Variants in DGKG observed in about 807,000 individuals in gnomAD.
The protein encoded by DGKG is DAG kinase gamma.
DGKG carries 78 observed loss-of-function variants against 105.3 expected under a neutral mutation model. The observed-to-expected ratio is 0.74, with a 90% confidence interval of 0.62 to 0.89. The LOEUF (loss-of-function observed/expected upper bound fraction) is 0.89. Ranked by LOEUF, DGKG falls within the 40% of genes least tolerant of loss-of-function variation. The probability of loss-of-function intolerance (pLI) is 0.00; values close to 1 mark genes in which losing one functional copy is unlikely to be tolerated. For missense variants in DGKG, 958 were observed against 1,020.1 expected, an observed-to-expected ratio of 0.94 and a Z score of 0.83; for synonymous variants, 346 against 367.1, an observed-to-expected ratio of 0.94 and a Z score of 0.66.
At position 186,164,990 on chromosome 3, in the gene DGKG, C is replaced by G. The variant is rs6770236; in HGVS notation, c.2124G>C (p.Val708=). 4,617 of 1,613,500 alleles carry G rather than the reference C, an allele frequency of 2.9e-3. 107 individuals are homozygous for G. The African/African-American group carries it at 0.052, about 18-fold the overall frequency. The part of the protein sequence containing the change: ...QDLSDQLLEV[V]GLEGAMEMGQ... ...CCATCTCCATGGCTCCTTCTAGCCC[C>G]ACCACTTCAAGGAGCTGGTCACTGA... The change falls in exon 23 of 25, where the codon GTG becomes GTC. Residue 708 remains valine, a synonymous_variant. Coordinates refer to ENST00000265022, the MANE Select transcript of DGKG (RefSeq NM_001346.3).
chr3:186,199,625 G>A (rs557608761), intron 21 of DGKG, among the ~76,000 whole-genome samples: 4 of 152,006 alleles, frequency 2.6e-5, no homozygotes, highest in African/African-American at 4.8e-5. Context: ...AGATTCTCCC[G>A]CCTCAGCCTC....
intron 22 of DGKG, among the ~76,000 whole-genome samples, chr3:186,166,740 T>G (rs1578612203): frequency 6.7e-6 from 1 of 148,264 alleles, no homozygotes; most frequent in Non-Finnish European, 1.5e-5. Flanking sequence ...GGTGAGGGGG[T>G]TTGAGGGTTG....
At chr3:186,221,222 C>T (rs1297270450) in intron 20 of DGKG, among the ~76,000 whole-genome samples, 1 of 152,214 alleles carries the variant, frequency 6.6e-6, no homozygotes, top group Non-Finnish European at 1.5e-5. Context: ...TGCTGAGGGG[C>T]AGGCAAGGCC....
intron 1 of DGKG, among the ~76,000 whole-genome samples, chr3:186,351,858 A>G (rs1470093969): frequency 6.6e-6 from 1 of 152,256 alleles, no homozygotes; most frequent in African/African-American, 2.4e-5. Flanking sequence ...ACTGTAATGC[A>G]CATGTAGGAG....
intron 9 of DGKG, among the ~76,000 whole-genome samples, chr3:186,278,911 GCTC>G (rs1722707459): frequency 6.6e-6 from 1 of 152,150 alleles, no homozygotes; most frequent in Non-Finnish European, 1.5e-5. Context: ...CACCATTTGT[GCTC>G]CTACTAGTTT....
chr3:186,164,551 C>A (rs1007566336), intron 23 of DGKG, among the ~76,000 whole-genome samples: 1 of 152,150 alleles, frequency 6.6e-6, no homozygotes, highest in African/African-American at 2.4e-5. Flanking sequence ...CCTCTGGCAT[C>A]CCTCTGCCAT....
At chr3:186,161,158 C>T (rs913725870) in intron 24 of DGKG, 24 of 991,336 alleles carry the variant, frequency 2.4e-5, no homozygotes, top group Non-Finnish European at 2.5e-5. Context: ...CAGTCAAAGG[C>T]GCTACCCTAC....
intron 7 of DGKG, among the ~76,000 whole-genome samples, chr3:186,282,117 C>A (rs960219265): frequency 1.3e-5 from 2 of 152,138 alleles, no homozygotes; most frequent in African/African-American, 4.8e-5. Flanking sequence ...TCCATTTGTC[C>A]TGGCCAGGTA....
At chr3:186,158,995 T>C (rs1716163509) in intron 24 of DGKG, 1 of 263,598 alleles carries the variant, frequency 3.8e-6, no homozygotes, top group Non-Finnish European at 5.9e-6. Context: ...ATAAGATATA[T>C]ATTATATATA....
At chr3:186,305,950 C>T (rs1482213729) in intron 3 of DGKG, among the ~76,000 whole-genome samples, 1 of 152,010 alleles carries the variant, frequency 6.6e-6, no homozygotes, top group Non-Finnish European at 1.5e-5. Flanking sequence ...GTTTGAGATG[C>T]CCATTTGATT....
At chr3:186,160,256 T>C in intron 24 of DGKG, 3 of 985,362 alleles carry the variant, frequency 3.0e-6, no homozygotes, top group Non-Finnish European at 3.6e-6. Flanking sequence ...CAAAATCCAG[T>C]GCTTGAATTT....
At chr3:186,167,018 C>T (rs774154460) in intron 22 of DGKG, among the ~76,000 whole-genome samples, 2 of 152,118 alleles carry the variant, frequency 1.3e-5, no homozygotes, top group African/African-American at 4.8e-5. Context: ...GCTTTAACTC[C>T]GAAGTTGTTA....
intron 20 of DGKG, among the ~76,000 whole-genome samples, chr3:186,237,973 C>T (rs1720495220): frequency 3.3e-5 from 5 of 152,012 alleles, no homozygotes; most frequent in Admixed American, 1.3e-4. Context: ...AGTCAGGTTC[C>T]CCTTTAACAC....
chr3:186,265,371 A>T (rs1313622058), intron 13 of DGKG, 65 bp from the exon 14 acceptor site: 1 of 1,477,386 alleles, frequency 6.8e-7, no homozygotes, highest in Non-Finnish European at 9.4e-7. Flanking sequence ...GAAAGAGATC[A>T]GATGAAAAAC....
At chr3:186,232,168 A>T (rs888250836) in intron 20 of DGKG, among the ~76,000 whole-genome samples, 2 of 152,214 alleles carry the variant, frequency 1.3e-5, no homozygotes, top group Non-Finnish European at 2.9e-5. Context: ...TCTTTAAAAC[A>T]CTCAATGACT....
At chr3:186,183,170 C>T (rs531780755) in intron 22 of DGKG, among the ~76,000 whole-genome samples, 6 of 152,292 alleles carry the variant, frequency 3.9e-5, no homozygotes, top group South Asian at 4.1e-4. Context: ...GACTCCCTAA[C>T]GCATTTTCTA....
At chr3:186,267,269 C>T (rs1722098893) in intron 13 of DGKG, among the ~76,000 whole-genome samples, 1 of 152,182 alleles carries the variant, frequency 6.6e-6, no homozygotes, top group South Asian at 2.1e-4. Flanking sequence ...AACAAATGTG[C>T]TTTCCTTGCT....
intron 9 of DGKG, among the ~76,000 whole-genome samples, chr3:186,277,058 T>C (rs1457994655): frequency 6.6e-6 from 1 of 152,092 alleles, no homozygotes; most frequent in Non-Finnish European, 1.5e-5. Flanking sequence ...AGGACATGAG[T>C]TTTATAGAAT....
At chr3:186,312,849 G>A (rs552734215) in intron 2 of DGKG, among the ~76,000 whole-genome samples, 22 of 152,330 alleles carry the variant, frequency 1.4e-4, no homozygotes, top group African/African-American at 4.8e-4. Context: ...AGGCCTCAGA[G>A]CAGCACGTGG....
Sources: allele counts gnomAD v4.1 joint callset (sites outside exome capture counted in the v4.1 genomes callset), GRCh38; gene constraint gnomAD v4.1.1; transcripts MANE v1.5; gene names NCBI Gene and HGNC (gene_info 2026-07-23, HGNC 2026-07-21).